Variants in TEX14 observed in about 807,000 individuals in gnomAD.
The protein encoded by TEX14 is testis expressed 14, intercellular bridge forming factor.
TEX14 carries 168 observed loss-of-function variants against 178.6 expected under a neutral mutation model. That is an observed-to-expected ratio of 0.94 (90% CI 0.83 to 1.07). The LOEUF is 1.07. TEX14 is among the 50% of genes least tolerant of loss of function. The probability of loss-of-function intolerance (pLI) is 0.00; values close to 1 mark genes in which losing one functional copy is unlikely to be tolerated. For synonymous variants in TEX14, 626 were observed against 634.1 expected (o/e 0.99, Z 0.19); for missense variants, 1,730 against 1,753.6 (o/e 0.99, Z 0.24).
intron 9 of TEX14, among the ~76,000 whole-genome samples, chr17:58,611,851 G>A (rs1326617970): frequency 6.6e-6 from 1 of 152,158 alleles, no homozygotes; most frequent in East Asian, 1.9e-4. Context: ...AAGTCTTAAT[G>A]GGTCTCTCCC....
chr17:58,658,719 G>A (rs1166306415), intron 1 of TEX14, among the ~76,000 whole-genome samples: 1 of 151,982 alleles, frequency 6.6e-6, no homozygotes, highest in African/African-American at 2.4e-5. Flanking sequence ...GGCTAACATA[G>A]CAAACTGGTA....
chr17:58,594,643 G>A (rs1251447322), intron 14 of TEX14, among the ~76,000 whole-genome samples: 1 of 151,986 alleles, frequency 6.6e-6, no homozygotes, highest in African/African-American at 2.4e-5. Flanking sequence ...GTGAGACACC[G>A]CACCCTGACA....
chr17:58,621,125 C>A (rs1187263565), intron 5 of TEX14, among the ~76,000 whole-genome samples: 1 of 152,156 alleles, frequency 6.6e-6, no homozygotes, highest in Non-Finnish European at 1.5e-5. Context: ...CCAAGCTTAA[C>A]CCTGAGCATG....
chr17:58,611,911 G>GA (rs952840581), intron 9 of TEX14, among the ~76,000 whole-genome samples: 13 of 152,224 alleles, frequency 8.5e-5, no homozygotes, highest in East Asian at 1.9e-4. Context: ...GGGAAAAACA[G>GA]AAAAAAACAG....
intron 10 of TEX14, among the ~76,000 whole-genome samples, chr17:58,608,099 A>G (rs144226470): frequency 1.4e-3 from 213 of 152,250 alleles, no homozygotes; most frequent in Non-Finnish European, 2.4e-3. Context: ...CCTGGGCAAC[A>G]TGGCGTGACC....
intron 29 of TEX14, among the ~76,000 whole-genome samples, chr17:58,561,040 G>A (rs1264262538): frequency 3.9e-5 from 6 of 152,178 alleles, no homozygotes; most frequent in Admixed American, 3.9e-4. Context: ...ATAGTGAGCA[G>A]AAGCTTCTGA....
intron 2 of TEX14, among the ~76,000 whole-genome samples, chr17:58,647,213 T>C (rs1014123970): frequency 6.6e-6 from 1 of 150,898 alleles, no homozygotes; most frequent in Non-Finnish European, 1.5e-5. Flanking sequence ...AACGGCACAA[T>C]TAAAGTGACA....
intron 3 of TEX14, among the ~76,000 whole-genome samples, chr17:58,624,520 T>G (rs2046090010): frequency 6.6e-6 from 1 of 151,700 alleles, no homozygotes. Flanking sequence ...TTTTGTATTT[T>G]TAGTGGAGAC....
At chr17:58,634,112 A>T (rs999219518) in intron 2 of TEX14, among the ~76,000 whole-genome samples, 3 of 152,106 alleles carry the variant, frequency 2.0e-5, no homozygotes, top group Admixed American at 6.5e-5. Context: ...AGCCTGAGAC[A>T]TCTAGTAAGA....
At chr17:58,585,391 C>T (rs1184637604) in intron 18 of TEX14, among the ~76,000 whole-genome samples, 1 of 151,656 alleles carries the variant, frequency 6.6e-6, no homozygotes, top group Non-Finnish European at 1.5e-5. Flanking sequence ...GAGGACCAAA[C>T]CAAAAAAAAT....
intron 1 of TEX14, among the ~76,000 whole-genome samples, chr17:58,679,015 G>A (rs541484233): frequency 6.6e-6 from 1 of 151,794 alleles, no homozygotes; most frequent in Non-Finnish European, 1.5e-5. Flanking sequence ...TTAGCAAGGC[G>A]TGGTGGCGTG....
At chr17:58,593,960 G>A (rs972318562) in intron 14 of TEX14, among the ~76,000 whole-genome samples, 11 of 152,110 alleles carry the variant, frequency 7.2e-5, no homozygotes, top group East Asian at 1.9e-4. Context: ...TCAGTCTCCC[G>A]AGTAGCTGGG....
At chr17:58,579,782 C>T (rs749957707) in intron 19 of TEX14, 51 bp from the exon 20 acceptor site, 5 of 1,386,420 alleles carry the variant, frequency 3.6e-6, no homozygotes, top group Non-Finnish European at 4.1e-6. Flanking sequence ...TGGAGGCAGA[C>T]ATATTAAAAG....
chr17:58,609,263 C>T (rs947826623), intron 10 of TEX14, among the ~76,000 whole-genome samples: 1 of 152,238 alleles, frequency 6.6e-6, no homozygotes, highest in African/African-American at 2.4e-5. Context: ...GCGCCTGCCA[C>T]CACGCCCGGC....
At chr17:58,659,096 A>G (rs1414746262) in intron 1 of TEX14, among the ~76,000 whole-genome samples, 2 of 113,244 alleles carry the variant, frequency 1.8e-5, no homozygotes, top group African/African-American at 9.3e-5. Context: ...CAACTCTGAA[A>G]ATAAACACAC....
chr17:58,598,376 G>A (rs2045344279), intron 14 of TEX14, among the ~76,000 whole-genome samples: 1 of 151,422 alleles, frequency 6.6e-6, no homozygotes, highest in Admixed American at 6.6e-5. Context: ...ATAGCTGTTT[G>A]TTGAATGAGT....
intron 9 of TEX14, among the ~76,000 whole-genome samples, chr17:58,612,533 G>A (rs1270862667): frequency 2.6e-5 from 4 of 151,866 alleles, no homozygotes; most frequent in Non-Finnish European, 5.9e-5. Context: ...TCAGGAGTTC[G>A]AGATGATCCT....
intron 1 of TEX14, among the ~76,000 whole-genome samples, chr17:58,687,795 T>G (rs1426893545): frequency 6.6e-6 from 1 of 152,172 alleles, no homozygotes; most frequent in Non-Finnish European, 1.5e-5. Context: ...AGGTTAACTA[T>G]AGACATTAAC....
intron 9 of TEX14, 89 bp from the exon 10 acceptor site, chr17:58,611,428 T>G (rs1864754): frequency 0.2 from 184,887 of 942,154 alleles, 19,349 homozygotes; most frequent in Non-Finnish European, 0.21. Context: ...TCTTTCCATA[T>G]GATCCTCATG....
Sources: allele counts gnomAD v4.1 joint callset (sites outside exome capture counted in the v4.1 genomes callset), GRCh38; gene constraint gnomAD v4.1.1; transcripts MANE v1.5; gene names NCBI Gene and HGNC (gene_info 2026-07-23, HGNC 2026-07-21).